BNC2: variants seen among roughly 807,000 people sequenced by gnomAD.
BNC2 encodes the protein zinc finger protein basonuclin-2.
Under a neutral mutation model 76.3 loss-of-function variants are expected in BNC2, and 20 were observed. The observed-to-expected ratio is 0.26, with a 90% CI of 0.18 to 0.38. The LOEUF is 0.38. Ranked by LOEUF, BNC2 falls within the 10% of genes least tolerant of loss-of-function variation. The pLI is 1.00. For synonymous variants in BNC2, 582 were observed against 514.8 expected, an observed-to-expected ratio of 1.13 and a Z score of -1.77; for missense variants, 1,382 against 1,399.8, an observed-to-expected ratio of 0.99 and a Z score of 0.20.
At chr9:16,546,183 T>C (rs1472474563) in intron 5 of BNC2, among the ~76,000 whole-genome samples, 1 of 152,236 alleles carries the variant, frequency 6.6e-6, no homozygotes, top group African/African-American at 2.4e-5. Flanking sequence ...GAGAAGGAGT[T>C]CACAACATAC....
At chr9:16,450,868 G>T (rs1205104903) in intron 5 of BNC2, among the ~76,000 whole-genome samples, 1 of 152,204 alleles carries the variant, frequency 6.6e-6, no homozygotes, top group African/African-American at 2.4e-5. Flanking sequence ...AACTTCAACT[G>T]AGCAGGTGCT....
chr9:16,528,780 C>T (rs1339511728), intron 5 of BNC2, among the ~76,000 whole-genome samples: 1 of 152,146 alleles, frequency 6.6e-6, no homozygotes, highest in African/African-American at 2.4e-5. Context: ...GGTATATCCA[C>T]ATAATGGGAA....
intron 5 of BNC2, among the ~76,000 whole-genome samples, chr9:16,516,242 T>G (rs974291596): frequency 7.2e-5 from 11 of 151,756 alleles, no homozygotes; most frequent in African/African-American, 2.2e-4. Context: ...GGTTTGTTTG[T>G]TTTTTTTCAG....
chr9:16,435,289 TAC>T (rs1194754583), intron 6 of BNC2, among the ~76,000 whole-genome samples: 11 of 152,102 alleles, frequency 7.2e-5, no homozygotes, highest in Admixed American at 6.5e-4. Flanking sequence ...TGAAAACACA[TAC>T]ACACACGTAT....
At chr9:16,549,592 C>T (rs376543821) in intron 5 of BNC2, among the ~76,000 whole-genome samples, 2 of 152,286 alleles carry the variant, frequency 1.3e-5, no homozygotes, top group South Asian at 4.1e-4. Flanking sequence ...AATTTGTGCA[C>T]ACCTTATCAT....
At chr9:16,447,382 G>A (rs890397354) in intron 5 of BNC2, among the ~76,000 whole-genome samples, 6 of 151,996 alleles carry the variant, frequency 3.9e-5, no homozygotes, top group Non-Finnish European at 2.9e-5. Context: ...TAAAAACTCA[G>A]CTTTACAATT....
chr9:16,807,695 A>AT, intron 1 of BNC2, among the ~76,000 whole-genome samples: 1 of 152,360 alleles, frequency 6.6e-6, no homozygotes. Flanking sequence ...AATTGAACCC[A>AT]TTGAGGATAA....
intron 5 of BNC2, among the ~76,000 whole-genome samples, chr9:16,503,704 C>A (rs1822568491): frequency 6.6e-6 from 1 of 152,160 alleles, no homozygotes; most frequent in Non-Finnish European, 1.5e-5. Context: ...CTGATATCCA[C>A]AGACATGACA....
At chr9:16,686,834 T>C (rs1252686037) in intron 3 of BNC2, among the ~76,000 whole-genome samples, 1 of 152,214 alleles carries the variant, frequency 6.6e-6, no homozygotes, top group African/African-American at 2.4e-5. Flanking sequence ...CGGTCAACGC[T>C]TCAAACATTT....
At chr9:16,542,497 A>G (rs1253516250) in intron 5 of BNC2, among the ~76,000 whole-genome samples, 3 of 152,234 alleles carry the variant, frequency 2.0e-5, no homozygotes, top group Admixed American at 2.0e-4. Flanking sequence ...CCACAATGGT[A>G]GGTTTCTAAA....
intron 1 of BNC2, among the ~76,000 whole-genome samples, chr9:16,772,418 TC>T (rs1825855987): frequency 6.6e-6 from 1 of 152,182 alleles, no homozygotes; most frequent in South Asian, 2.1e-4. Flanking sequence ...AACATTTTTT[TC>T]CTTGTTCATA....
intron 3 of BNC2, among the ~76,000 whole-genome samples, chr9:16,648,119 C>T (rs951455619): frequency 6.6e-6 from 1 of 152,052 alleles, no homozygotes; most frequent in African/African-American, 2.4e-5. Flanking sequence ...AGTTTCTCAG[C>T]ACTAAGCAAC....
At chr9:16,560,275 G>A (rs1818969429) in intron 4 of BNC2, among the ~76,000 whole-genome samples, 1 of 152,206 alleles carries the variant, frequency 6.6e-6, no homozygotes, top group Non-Finnish European at 1.5e-5. Context: ...TGTAACACTT[G>A]CAGCAAAATA....
At chr9:16,422,437 G>A (rs566591114) in intron 6 of BNC2, among the ~76,000 whole-genome samples, 22 of 152,326 alleles carry the variant, frequency 1.4e-4, no homozygotes, top group Admixed American at 1.1e-3. Context: ...TCATGGCAGT[G>A]CATTAGCTCT....
chr9:16,637,881 G>T (rs989092359), intron 3 of BNC2, among the ~76,000 whole-genome samples: 5 of 152,218 alleles, frequency 3.3e-5, no homozygotes, highest in African/African-American at 1.2e-4. Context: ...CAGTATTGTG[G>T]TGTAATATAC....
intron 3 of BNC2, among the ~76,000 whole-genome samples, chr9:16,708,815 G>A (rs556000081): frequency 1.3e-5 from 2 of 152,234 alleles, no homozygotes; most frequent in African/African-American, 4.8e-5. Context: ...AGTGGATCAG[G>A]CAGCTGGCCT....
At position 16,583,012 on chromosome 9, in the gene BNC2, T is replaced by C. The variant is rs770792169; in HGVS notation, c.404A>G (p.Asp135Gly). ...TGCCACCCAGCCATGTTTACACTGA[T>C]CACAAGTCCTCAGGTTAATCTTCCC... ...QPGKINLRTC[D>G]QCKHGWVAHA... is the part of the protein sequence containing the mutation. Residue 135 changes from aspartate to glycine, a missense_variant, in exon 4 of 7, where the codon GAT (aspartate) becomes GGT (glycine). Asp to Gly is a moderately conservative substitution (Grantham distance 94). This residue lies in a region of BNC2 where 557 missense variants were observed against 540.9 expected (regional missense o/e 1.03). Coordinates refer to ENST00000380672, the MANE Select transcript of BNC2 (RefSeq NM_017637.6). 5 of 1,613,726 alleles carry C rather than the reference T, an allele frequency of 3.1e-6. No homozygotes were observed. The highest frequency in any genetic ancestry group is 1.1e-5 in the South Asian group (1 of 91,076).
At chr9:16,793,815 G>C (rs1279315550) in intron 1 of BNC2, among the ~76,000 whole-genome samples, 1 of 150,104 alleles carries the variant, frequency 6.7e-6, no homozygotes, top group Non-Finnish European at 1.5e-5. Context: ...GGGACTGCAG[G>C]TGCCCGCCAC....
intron 3 of BNC2, among the ~76,000 whole-genome samples, chr9:16,681,482 A>G (rs1292607495): frequency 1.3e-5 from 2 of 152,106 alleles, no homozygotes; most frequent in East Asian, 3.9e-4. Flanking sequence ...CACTGCAAAG[A>G]TCTCACATCT....
Sources: allele counts gnomAD v4.1 joint callset (sites outside exome capture counted in the v4.1 genomes callset), GRCh38; gene constraint gnomAD v4.1.1; regional missense constraint gnomAD v4.1.1; transcripts MANE v1.5; gene names NCBI Gene and HGNC (gene_info 2026-07-23, HGNC 2026-07-21).